PPFIA1: variants seen among roughly 807,000 people sequenced by gnomAD.
PPFIA1 encodes the protein PPFI scaffold protein A1.
A neutral mutation model predicts 149.9 loss-of-function variants in PPFIA1; 25 were observed. The ratio of observed to expected loss-of-function variants is 0.17; its 90% CI spans 0.12 to 0.23. The LOEUF (loss-of-function observed/expected upper bound fraction) is 0.23, where lower values mean the gene tolerates loss of function less well. PPFIA1 is among the 10% of genes least tolerant of loss of function. The pLI is 1.00. For synonymous variants in PPFIA1, 549 were observed against 552.8 expected, an observed-to-expected ratio of 0.99 and a Z score of 0.10; for missense variants, 1,362 against 1,506.5, an observed-to-expected ratio of 0.90 and a Z score of 1.59.
At chr11:70,294,799 T>C (rs2051792070) in intron 2 of PPFIA1, among the ~76,000 whole-genome samples, 1 of 151,794 alleles carries the variant, frequency 6.6e-6, no homozygotes, top group Non-Finnish European at 1.5e-5. Context: ...ACAAAGCACA[T>C]CTTGCACTGC....
At chr11:70,369,339 C>G (rs1393530501) in intron 21 of PPFIA1, among the ~76,000 whole-genome samples, 1 of 152,008 alleles carries the variant, frequency 6.6e-6, no homozygotes, top group East Asian at 1.9e-4. Flanking sequence ...ATAAGCCATA[C>G]TTGTCATGAT....
intron 7 of PPFIA1, among the ~76,000 whole-genome samples, chr11:70,328,541 C>T (rs886942975): frequency 2.6e-5 from 4 of 152,054 alleles, no homozygotes; most frequent in Non-Finnish European, 4.4e-5. Context: ...AGTGAACATA[C>T]GTGTGCGTGT....
chr11:70,369,454 C>T (rs1403778688), intron 21 of PPFIA1, among the ~76,000 whole-genome samples: 2 of 152,278 alleles, frequency 1.3e-5, no homozygotes, highest in East Asian at 3.9e-4. Context: ...TTTGGTTTTG[C>T]TCTCAGGATG....
intron 2 of PPFIA1, among the ~76,000 whole-genome samples, chr11:70,289,906 GTC>G (rs2051410479): frequency 6.6e-6 from 1 of 152,128 alleles, no homozygotes; most frequent in East Asian, 1.9e-4. Context: ...GCAAGACCCT[GTC>G]TCTCAAAAAC....
At chr11:70,329,197 C>A (rs746132430) in intron 7 of PPFIA1, among the ~76,000 whole-genome samples, 1 of 152,104 alleles carries the variant, frequency 6.6e-6, no homozygotes, top group Admixed American at 6.6e-5. Flanking sequence ...GTGAGGCAGA[C>A]GTAGACTGCG....
At chr11:70,325,155 A>G in intron 4 of PPFIA1, 144 bp downstream of exon 4, 1 of 767,588 alleles carries the variant, frequency 1.3e-6, no homozygotes, top group Middle Eastern at 2.6e-4. Context: ...TGTAGGTTTA[A>G]AAAGTACTAA....
chr11:70,293,002 TCC>T (rs1249512752), intron 2 of PPFIA1, among the ~76,000 whole-genome samples: 1 of 152,198 alleles, frequency 6.6e-6, no homozygotes, highest in East Asian at 1.9e-4. Flanking sequence ...TGCTTGGGCT[TCC>T]CCTGCCTGGG....
At position 70,362,291 on chromosome 11, in the gene PPFIA1, T is replaced by C. The variant is rs530179068; in HGVS notation, c.2668T>C (p.Trp890Arg). The stretch of plus-strand genomic sequence containing the variant: ...TCCTTCCGCTTTCCGCCTCCAGCTC[T>C]GGGTTGGGATGCCAGCCTGGTATGT... ...GPTVVVWLEL[W>R]VGMPAWYVAA... Residue 890 changes from tryptophan to arginine, a missense_variant, in exon 21 of 28, where the codon TGG (tryptophan) becomes CGG (arginine). By Grantham distance (101) the Trp-to-Arg change is moderately radical. Around this residue, in one of 7 missense-constraint regions of PPFIA1, gnomAD observed 91 missense variants for 91.2 expected, o/e 1.00. Transcript: ENST00000253925. The C allele has an allele frequency of 6.2e-7, 1 of 1,614,160 alleles. No homozygotes were observed. The highest frequency in any genetic ancestry group is 1.7e-5 in the Admixed American group (1 of 60,028).
intron 2 of PPFIA1, among the ~76,000 whole-genome samples, chr11:70,284,236 G>A (rs575959755): frequency 2.0e-5 from 3 of 152,288 alleles, no homozygotes; most frequent in African/African-American, 4.8e-5. Flanking sequence ...CTGCTTTACT[G>A]ACTGTTTCTT....
intron 15 of PPFIA1, among the ~76,000 whole-genome samples, chr11:70,347,889 G>C (rs2055812251): frequency 6.6e-6 from 1 of 152,158 alleles, no homozygotes; most frequent in Non-Finnish European, 1.5e-5. Context: ...TGTAATCCCA[G>C]CTACTCAGGA....
chr11:70,339,832 T>G (rs971619245), intron 14 of PPFIA1, among the ~76,000 whole-genome samples: 12 of 152,044 alleles, frequency 7.9e-5, no homozygotes, highest in Non-Finnish European at 1.6e-4. Context: ...CTGGTCAACA[T>G]GGTGAAACCC....
At chr11:70,338,284 G>A (rs1220537461) in intron 12 of PPFIA1, 90 bp from the exon 13 acceptor site, 17 of 1,041,450 alleles carry the variant, frequency 1.6e-5, no homozygotes, top group Non-Finnish European at 2.2e-5. Context: ...AACCTGTTAG[G>A]GTTATGCCCA....
At chr11:70,278,265 T>C (rs1028301424) in intron 2 of PPFIA1, among the ~76,000 whole-genome samples, 11 of 151,968 alleles carry the variant, frequency 7.2e-5, no homozygotes, top group Non-Finnish European at 1.5e-4. Flanking sequence ...TCAAACTCAT[T>C]GGCTCAAGCA....
chr11:70,286,824 G>A (rs750685164), intron 2 of PPFIA1, among the ~76,000 whole-genome samples: 32 of 147,510 alleles, frequency 2.2e-4, no homozygotes, highest in Non-Finnish European at 3.4e-4. Flanking sequence ...TGGTGTGATC[G>A]GGCTCAAGCA....
chr11:70,355,819 G>A lies in PPFIA1; in HGVS notation c.2488+8G>A, dbSNP rs190923589. On this transcript the variant is annotated splice_region_variant and intron_variant, in intron 18 of 27. Coordinates refer to ENST00000253925, the MANE Select transcript of PPFIA1 (RefSeq NM_003626.5). ...AAGAAGCATTAGGACAAGGTTGGTTGGTTTTCCGCACCCTTCTCAGCACCC... is the reference window on the plus strand; with the variant it reads ...AAGAAGCATTAGGACAAGGTTGGTTAGTTTTCCGCACCCTTCTCAGCACCC... 1 of 1,604,900 alleles carries A rather than the reference G, an allele frequency of 6.2e-7. No homozygotes were observed. The highest frequency in any genetic ancestry group is 2.2e-5 in the East Asian group (1 of 44,842).
In PPFIA1 at chr11:70,330,214, T is replaced by C; in HGVS notation, c.972T>C (p.Thr324=). The C allele has an allele frequency of 6.2e-7, 1 of 1,603,470 alleles. No individual in the cohort carries two copies. The highest frequency in any genetic ancestry group is 8.5e-7 in the Non-Finnish European group (1 of 1,176,122). The change falls in exon 8 of 28, where the codon ACT becomes ACC. Residue 324 remains threonine (T), a synonymous_variant. Coordinates refer to ENST00000253925, the MANE Select transcript of PPFIA1 (RefSeq NM_003626.5). ...QKEDMEERIT[T]LEKRYLAAQR... is the part of the protein sequence containing the mutation. Reference sequence around the variant, plus strand: ...AAGATATGGAAGAGAGAATCACTACTCTTGAAAAACGCTACCTCGCTGCAC... The same window carrying C: ...AAGATATGGAAGAGAGAATCACTACCCTTGAAAAACGCTACCTCGCTGCAC...
At chr11:70,290,486 G>A (rs2051453946) in intron 2 of PPFIA1, among the ~76,000 whole-genome samples, 1 of 152,208 alleles carries the variant, frequency 6.6e-6, no homozygotes, top group Non-Finnish European at 1.5e-5. Context: ...GCCTGCTAAT[G>A]CTAATTTAGA....
intron 11 of PPFIA1, among the ~76,000 whole-genome samples, chr11:70,336,751 C>T (rs897126763): frequency 1.6e-4 from 25 of 152,186 alleles, no homozygotes; most frequent in African/African-American, 6.0e-4. Flanking sequence ...CTCTAATGGG[C>T]AGCAGCTGGA....
intron 2 of PPFIA1, among the ~76,000 whole-genome samples, chr11:70,273,288 A>T (rs1364905743): frequency 3.3e-5 from 5 of 152,148 alleles, no homozygotes; most frequent in Non-Finnish European, 2.9e-5. Flanking sequence ...AGCTTAGAAC[A>T]ACTGAAATTG....
Sources: gnomAD v4.1 joint callset for allele counts (sites outside exome capture counted in the v4.1 genomes callset) on GRCh38, gnomAD v4.1.1 for gene constraint, gnomAD v4.1.1 regional missense constraint, MANE v1.5 for transcripts, NCBI Gene and HGNC (gene_info 2026-07-23, HGNC 2026-07-21) for gene names.